SLC35F5: variants seen among roughly 807,000 people sequenced by gnomAD.
SLC35F5 encodes solute carrier family 35 member F5.
In SLC35F5, 54 loss-of-function variants were observed where a neutral mutation model predicts 68.6. The ratio of observed to expected loss-of-function variants is 0.79; its 90% confidence interval spans 0.63 to 0.99. The LOEUF is 0.99. Ranked by LOEUF, SLC35F5 falls within the 50% of genes least tolerant of loss-of-function variation. The probability of loss-of-function intolerance (pLI) is 0.00; values close to 1 mark genes in which losing one functional copy is unlikely to be tolerated. For missense variants in SLC35F5, 567 were observed against 626.9 expected (o/e 0.90, Z 1.02); for synonymous variants, 211 against 205.2 (o/e 1.03, Z -0.24).
At chr2:113,731,238 CAATT>C (rs757421409) in intron 10 of SLC35F5, among the ~76,000 whole-genome samples, 21 of 151,884 alleles carry the variant, frequency 1.4e-4, no homozygotes, top group Non-Finnish European at 2.8e-4. Context: ...GGAAACACGA[CAATT>C]AAATGCAATA....
At position 113,713,104 on chromosome 2, in the gene SLC35F5, A is replaced by G. The variant is rs1426339699; in HGVS notation, c.*2114T>C. ...GTATTCAAATGCAACAATCATTCAG[A>G]TAAATAAAACCTGTGAGAAAAAGCA... On this transcript the variant is annotated 3_prime_UTR_variant, in exon 16 of 16. Coordinates refer to ENST00000245680, the MANE Select transcript of SLC35F5 (RefSeq NM_025181.5). 1.3e-5 allele frequency: 2 copies of G among 152,254 alleles called. No homozygotes were observed. Among genetic ancestry groups the G allele is most frequent in the Admixed American group, 6.5e-5 (1 of 15,282 alleles). The allele number at this position is 152,254 out of a possible 1,614,324, so 9.4% of individuals were successfully genotyped here.
chr2:113,749,979 A>G (rs980417586), intron 4 of SLC35F5, among the ~76,000 whole-genome samples: 6 of 152,342 alleles, frequency 3.9e-5, no homozygotes, highest in African/African-American at 1.4e-4. Context: ...ATCAAAGAAT[A>G]TAATTTGATT....
Position 113,753,175 on chromosome 2 carries a change from T to C in SLC35F5, c.273+1990A>G, listed in dbSNP as rs1302032701. 7.2e-4 allele frequency among the ~76,000 whole-genome samples: 84 copies of C among 116,594 alleles called. 6 individuals are homozygous for C. The highest frequency in any genetic ancestry group is 2.4e-3 in the African/African-American group (82 of 33,694). The allele number at this position is 116,594 out of a possible 152,430, so 76.5% of individuals were successfully genotyped here. A position where few individuals can be genotyped will look rare whatever the true frequency, so the allele number is the denominator to read the frequency against. ...TCTCCAAAGTTTGTTTTTCTTTTTT[T>C]TTTTTTTTTTTTTTTTTTTTGCTAA... On this transcript the variant is annotated intron_variant, in intron 3 of 15. Transcript: ENST00000245680.
chr2:113,731,639 G>T lies in SLC35F5; in HGVS notation c.930C>A (p.Gly310=), dbSNP rs755349474. 1 of 1,612,136 alleles carries T rather than the reference G, an allele frequency of 6.2e-7. No individual in the cohort carries two copies. The highest frequency in any genetic ancestry group is 1.3e-5 in the African/African-American group (1 of 74,918). ...ACCCTGCCAGGTTTACCAGTACAAC[G>T]CCTCCAATGCTATGAGAATAACAGT... The part of the protein sequence containing the change: ...KLLAVILSIG[G]VVLVNLAGSE... The change falls in exon 10 of 16, where the codon GGC becomes GGA. Residue 310 remains glycine (G), a synonymous_variant. Coordinates refer to ENST00000245680, the MANE Select transcript of SLC35F5 (RefSeq NM_025181.5).
rs2104947300 is a variant in SLC35F5, at chr2:113,708,738, C to T, written c.*6480G>A. Among the ~76,000 whole-genome samples the T allele has an allele frequency of 6.6e-6, 1 of 152,146 alleles. No homozygotes were observed. The highest frequency in any genetic ancestry group is 2.4e-5 in the African/African-American group (1 of 41,514). On this transcript the variant is annotated 3_prime_UTR_variant, in exon 16 of 16. Transcript: ENST00000245680. ...ATAAAAAATAAAAAATAAAATACTG[C>T]ATAATTACATGCTATAGTAAATTAA...
In SLC35F5 at chr2:113,730,033, T is replaced by C. The variant is rs140319928; in HGVS notation, c.986-528A>G. Among the ~76,000 whole-genome samples, 517 of 152,334 alleles carry C rather than the reference T, an allele frequency of 3.4e-3. 9 individuals carry two copies. Among genetic ancestry groups the C allele is most frequent in the African/African-American group, 0.012 (497 of 41,574 alleles). On this transcript the variant is annotated intron_variant, in intron 10 of 15. Transcript: ENST00000245680. ...ACAAAGCATCCTCTTTCTAATCGGCTGTATTTCTGTCCTGTCTTCTGTTTT... is the reference window on the plus strand; with the variant it reads ...ACAAAGCATCCTCTTTCTAATCGGCCGTATTTCTGTCCTGTCTTCTGTTTT...
In SLC35F5 at chr2:113,734,603, T is replaced by C. The variant is rs369440698; in HGVS notation, c.903A>G (p.Leu301=). Residue 301 remains leucine, a synonymous_variant, in exon 9 of 16, where the codon CTA becomes CTG. Coordinates refer to ENST00000245680, the MANE Select transcript of SLC35F5 (RefSeq NM_025181.5). ...NSGDRFTLSK[L]LAVILSIGGV... ...ATGCTTACCTTAAAATTACAGCTAATAGTTTAGAAAGGGTAAATCTATCTC... is the reference window on the plus strand; with the variant it reads ...ATGCTTACCTTAAAATTACAGCTAACAGTTTAGAAAGGGTAAATCTATCTC... 6.9e-6 allele frequency: 11 copies of C among 1,590,368 alleles called. No homozygotes were observed. The East Asian group carries it at 1.8e-4, about 26-fold the overall frequency.
chr2:113,756,085 G>A, intron 1 of SLC35F5: 4 of 1,451,460 alleles, frequency 2.8e-6, no homozygotes, highest in Non-Finnish European at 3.6e-6. Context: ...AGAAACAGCT[G>A]GGAAAAGAAA....
chr2:113,746,521 A>C (rs2104472788), intron 4 of SLC35F5, among the ~76,000 whole-genome samples, 182 bp from the exon 5 acceptor site: 1 of 152,316 alleles, frequency 6.6e-6, no homozygotes, highest in South Asian at 2.1e-4. Flanking sequence ...TATTATCTTC[A>C]TTTTATTGAT....
At chr2:113,730,273 C>T (rs1687829997) in intron 10 of SLC35F5, among the ~76,000 whole-genome samples, 3 of 152,182 alleles carry the variant, frequency 2.0e-5, no homozygotes, top group Non-Finnish European at 4.4e-5. Flanking sequence ...ACCATTTAAA[C>T]TTTTCAAAAC....
At chr2:113,727,619 A>G (rs1687715285) in intron 11 of SLC35F5, among the ~76,000 whole-genome samples, 1 of 152,032 alleles carries the variant, frequency 6.6e-6, no homozygotes, top group South Asian at 2.1e-4. Flanking sequence ...TCTTCCACAA[A>G]GCGAAGTTCC....
intron 9 of SLC35F5, among the ~76,000 whole-genome samples, chr2:113,732,730 G>C (rs1046356255): frequency 1.3e-5 from 2 of 152,136 alleles, no homozygotes; most frequent in African/African-American, 4.8e-5. Context: ...AGCACCTCCT[G>C]TTGTGTATCA....
Position 113,713,601 on chromosome 2 carries a change from T to C in SLC35F5, c.*1617A>G, listed in dbSNP as rs776621055. 3.3e-5 allele frequency: 5 copies of C among 152,068 alleles called. No individual in the cohort carries two copies. Among genetic ancestry groups the C allele is most frequent in the Non-Finnish European group, 5.9e-5 (4 of 68,016 alleles). 9.4% of individuals were successfully genotyped at this position (152,068 alleles called of 1,614,324 possible). A position where few individuals can be genotyped will look rare whatever the true frequency, so the allele number is the denominator to read the frequency against. ...TCATTATGTTCTTTTTAAAAGAAAA[T>C]TCCTCAGAAGTCCACATTCTTTACA... is the stretch of plus-strand genomic sequence containing the variant. On this transcript the variant is annotated 3_prime_UTR_variant, in exon 16 of 16. Coordinates refer to ENST00000245680, the MANE Select transcript of SLC35F5 (RefSeq NM_025181.5).
rs1687096212 is a variant in SLC35F5 at position 113,714,287 on chromosome 2, G to C, written c.*931C>G. ...TTTAAAGAAGAGACATCTAGTTCTA[G>C]AGTAATCTGGCACATTCATATGTGA... On this transcript the variant is annotated 3_prime_UTR_variant, in exon 16 of 16. Transcript: ENST00000245680. 2.0e-5 allele frequency: 3 copies of C among 152,076 alleles called. No homozygotes were observed. The highest frequency in any genetic ancestry group is 2.0e-4 in the Admixed American group (3 of 15,276). 9.4% of individuals were successfully genotyped at this position (152,076 alleles called of 1,614,324 possible). A position where few individuals can be genotyped will look rare whatever the true frequency, so the allele number is the denominator to read the frequency against.
chr2:113,746,581 C>A (rs938099262), intron 4 of SLC35F5, among the ~76,000 whole-genome samples: 3 of 152,036 alleles, frequency 2.0e-5, no homozygotes, highest in African/African-American at 7.2e-5. Flanking sequence ...AGGATTAAAA[C>A]CCAAGTTAGT....
intron 13 of SLC35F5, among the ~76,000 whole-genome samples, chr2:113,722,254 G>T (rs936684221): frequency 1.3e-5 from 2 of 152,104 alleles, no homozygotes; most frequent in Admixed American, 1.3e-4. Flanking sequence ...GATTACAGGC[G>T]TGAGCCACTG....
intron 12 of SLC35F5, 62 bp from the exon 13 acceptor site, chr2:113,723,256 CAA>C (rs1687523761): frequency 1.7e-6 from 2 of 1,204,442 alleles, no homozygotes; most frequent in African/African-American, 1.6e-5. Flanking sequence ...AAACACTGAA[CAA>C]AGACTTTCTA....
At chr2:113,741,265 G>A (rs1676261650) in intron 7 of SLC35F5, among the ~76,000 whole-genome samples, 1 of 152,150 alleles carries the variant, frequency 6.6e-6, no homozygotes, top group Non-Finnish European at 1.5e-5. Flanking sequence ...AATAGTGGTT[G>A]CCAGGGGCTG....
At position 113,756,544 on chromosome 2, in the gene SLC35F5, C is replaced by G. The variant is rs1186754174; in HGVS notation, c.-135G>C. 8.1e-6 allele frequency: 12 copies of G among 1,475,542 alleles called. No homozygotes were observed. In the South Asian group the frequency reaches 1.5e-4, roughly 18 times the overall value. The allele number at this position is 1,475,542 out of a possible 1,614,324, so 91.4% of individuals were successfully genotyped here. ...AGACGCGGTGCCCCTCAGGGAGAGG[C>G]TCCCGACACCACCCAACTCCACTCG... On this transcript the variant is annotated 5_prime_UTR_variant, in exon 1 of 16. Transcript: ENST00000245680.
Sources: gnomAD v4.1 joint callset for allele counts (sites outside exome capture counted in the v4.1 genomes callset) on GRCh38, gnomAD v4.1.1 for gene constraint, MANE v1.5 for transcripts, NCBI Gene and HGNC (gene_info 2026-07-23, HGNC 2026-07-21) for gene names.